PDCD1: variants seen among roughly 807,000 people sequenced by gnomAD.
PDCD1 encodes programmed cell death protein 1.
Under a neutral mutation model 23.6 loss-of-function variants are expected in PDCD1, and 10 were observed. The ratio of observed to expected loss-of-function variants is 0.42; its 90% CI spans 0.26 to 0.72. The LOEUF is 0.72. PDCD1 is among the 30% of genes least tolerant of loss of function. PDCD1 has a pLI of 0.24. For missense variants in PDCD1, 313 were observed against 397.8 expected (o/e 0.79, Z 1.81); for synonymous variants, 168 against 169.3 (o/e 0.99, Z 0.06).
intron 1 of PDCD1, among the ~76,000 whole-genome samples, chr2:241,857,076 C>T (rs963013263): frequency 6.6e-6 from 1 of 152,134 alleles, no homozygotes; most frequent in Admixed American, 6.5e-5. Flanking sequence ...CAATAAGCAG[C>T]CGGGTTGGGG....
intron 4 of PDCD1, among the ~76,000 whole-genome samples, chr2:241,851,573 G>T (rs189124214): frequency 3.1e-4 from 47 of 152,348 alleles, no homozygotes; most frequent in Non-Finnish European, 6.5e-4. Flanking sequence ...TGTAAGATAA[G>T]AAATGACCAA....
rs1350210358 is a variant in PDCD1 at position 241,851,063 on chromosome 2, G to A, written c.862C>T (p.Leu288Phe). The stretch of plus-strand genomic sequence containing the variant: ...CTGGTGGCCAAGGAAGCCGGTCAGA[G>A]GGGCCAAGAGCAGTGTCCATCCTCA... Reference protein sequence around the residue: ...RPEDGHCSWPL With the variant: ...RPEDGHCSWPF Residue 288 changes from leucine (L) to phenylalanine (F), a missense_variant, in exon 5 of 5, where the codon CTC (leucine) becomes TTC (phenylalanine). By Grantham distance (22) the Leu-to-Phe change is conservative (BLOSUM62 0). Around this residue, in one of 3 missense-constraint regions of PDCD1, gnomAD observed 158 missense variants for 177.5 expected, o/e 0.89. Transcript: ENST00000334409. 1 of 1,609,644 alleles carries A rather than the reference G, an allele frequency of 6.2e-7. No individual in the cohort carries two copies. The highest frequency in any genetic ancestry group is 8.5e-7 in the Non-Finnish European group (1 of 1,177,736).
At chr2:241,854,212 G>C (rs936785646) in intron 1 of PDCD1, among the ~76,000 whole-genome samples, 2 of 152,224 alleles carry the variant, frequency 1.3e-5, no homozygotes, top group African/African-American at 4.8e-5. Flanking sequence ...GCCACCCAGG[G>C]TGTCCCTGTT....
intron 1 of PDCD1, among the ~76,000 whole-genome samples, chr2:241,855,620 G>A (rs1341530600): frequency 6.6e-6 from 1 of 152,194 alleles, no homozygotes; most frequent in Admixed American, 6.5e-5. Context: ...GGCGGTGGGG[G>A]TGCTCCCGCA....
intron 1 of PDCD1, among the ~76,000 whole-genome samples, chr2:241,853,292 G>A (rs1008785759): frequency 1.3e-5 from 2 of 152,252 alleles, no homozygotes; most frequent in Non-Finnish European, 2.9e-5. Context: ...CTGTTTGGGG[G>A]CTACCCATCC....
chr2:241,853,097 C>A, intron 1 of PDCD1, 117 bp from the exon 2 acceptor site: 1 of 1,257,816 alleles, frequency 8.0e-7, no homozygotes, highest in Non-Finnish European at 1.1e-6. Flanking sequence ...GCTGGAATGT[C>A]ATTGAGAAGT....
intron 1 of PDCD1, among the ~76,000 whole-genome samples, chr2:241,857,145 T>A (rs780013723): frequency 6.6e-6 from 1 of 152,112 alleles, no homozygotes; most frequent in Non-Finnish European, 1.5e-5. Flanking sequence ...GCCCCGGGAA[T>A]GACCGAATGG....
At chr2:241,855,972 C>T (rs1051868089) in intron 1 of PDCD1, among the ~76,000 whole-genome samples, 3 of 152,196 alleles carry the variant, frequency 2.0e-5, no homozygotes, top group African/African-American at 7.2e-5. Context: ...AGGGTGACGG[C>T]AGCTGGGACT....
intron 1 of PDCD1, among the ~76,000 whole-genome samples, chr2:241,855,296 A>G (rs1700998560): frequency 6.6e-6 from 1 of 151,810 alleles, no homozygotes; most frequent in African/African-American, 2.4e-5. Context: ...GCTCCCACCC[A>G]GTGTGGGGGT....
Position 241,851,828 on chromosome 2 carries a change from G to A in PDCD1, c.627+121C>T. ...GTTGCTGCCTGGGGGCTGGGGAGGT[G>A]GGGTCCTGGCTATAATAGAATGTGA... On this transcript the variant is annotated intron_variant, in intron 4 of 4. Coordinates refer to ENST00000334409, the MANE Select transcript of PDCD1 (RefSeq NM_005018.3). The A allele has an allele frequency of 9.8e-6, 10 of 1,017,014 alleles. 1 individual carries two copies. The South Asian group carries it at 1.3e-4, about 13-fold the overall frequency. 63.0% of individuals were successfully genotyped at this position (1,017,014 alleles called of 1,614,324 possible). A position where few individuals can be genotyped will look rare whatever the true frequency, so the allele number is the denominator to read the frequency against.
In PDCD1 at chr2:241,851,339, C is replaced by A. The variant is rs199773825; in HGVS notation, c.628-42G>T. 175 of 1,558,804 alleles carry A rather than the reference C, an allele frequency of 1.1e-4. No individual in the cohort carries two copies. In the East Asian group the frequency reaches 2.7e-3, roughly 24 times the overall value. On this transcript the variant is annotated intron_variant, in intron 4 of 4. Transcript: ENST00000334409. ...AGAGGGAGTCAGCCCCACGGCCCAC[C>A]GCAGGAAGGAGGCCCGCGGCTCCAC... is the stretch of plus-strand genomic sequence containing the variant.
chr2:241,850,832 G>C lies in PDCD1; in HGVS notation c.*226C>G, dbSNP rs1034598480. 2.6e-5 allele frequency: 16 copies of C among 625,478 alleles called. No homozygotes were observed. The African/African-American group carries it at 2.9e-4, about 11-fold the overall frequency. 38.7% of individuals were successfully genotyped at this position (625,478 alleles called of 1,614,324 possible). A position where few individuals can be genotyped will look rare whatever the true frequency, so the allele number is the denominator to read the frequency against. On this transcript the variant is annotated 3_prime_UTR_variant, in exon 5 of 5. Coordinates refer to ENST00000334409, the MANE Select transcript of PDCD1 (RefSeq NM_005018.3). ...TGACTGCATCTGGCCCTCCCTGTAGGGGACGGTGACACCTGCTGCCTGGGC... is the reference window on the plus strand; with the variant it reads ...TGACTGCATCTGGCCCTCCCTGTAGCGGACGGTGACACCTGCTGCCTGGGC...
chr2:241,858,811 C>T lies in PDCD1; in HGVS notation c.28G>A (p.Val10Ile). The T allele has an allele frequency of 1.3e-6, 2 of 1,588,238 alleles. No individual in the cohort carries two copies. Among genetic ancestry groups the T allele is most frequent in the Non-Finnish European group, 1.7e-6 (2 of 1,167,796 alleles). Residue 10 changes from valine to isoleucine, a missense_variant, in exon 1 of 5, where the codon GTC becomes ATC. Physicochemically the swap from Val to Ile is conservative, Grantham distance 29. This residue lies in a region of PDCD1 where 135 missense variants were observed against 166.9 expected (regional missense o/e 0.81). Transcript: ENST00000334409. MQIPQAPWP[V>I]VWAVLQLGWR... is the part of the protein sequence containing the mutation. ...CCCAGTTGTAGCACCGCCCAGACGA[C>T]TGGCCAGGGCGCCTGTGGGATCTGC...
At chr2:241,852,026 C>T (rs764033397) in intron 3 of PDCD1, 43 bp from the exon 4 acceptor site, 27 of 1,532,654 alleles carry the variant, frequency 1.8e-5, no homozygotes, top group South Asian at 3.4e-5. Flanking sequence ...GACCCTGAGC[C>T]GTGCTCCTAG....
chr2:241,852,278 A>T lies in PDCD1; in HGVS notation c.512T>A (p.Val171Asp). 6.2e-7 allele frequency: 1 copy of T among 1,611,892 alleles called. No individual in the cohort carries two copies. The highest frequency in any genetic ancestry group is 8.5e-7 in the Non-Finnish European group (1 of 1,179,628). ...RPAGQFQTLV[V>D]GVVGGLLGSL... Reference sequence around the variant, plus strand: ...GCCCAGCAGGCCGCCCACGACACCAACCACCAGGGTTTGGAACTGGCCGGC... The same window carrying T: ...GCCCAGCAGGCCGCCCACGACACCATCCACCAGGGTTTGGAACTGGCCGGC... Residue 171 changes from valine to aspartate, a missense_variant, in exon 3 of 5, where the codon GTT becomes GAT. Transcript: ENST00000334409.
Position 241,852,807 on chromosome 2 carries a change from C to T in PDCD1, c.250G>A (p.Glu84Lys), listed in dbSNP as rs761327733. ...NQTDKLAAFPEDRSQPGQDCR... is the reference protein window; with the variant it reads ...NQTDKLAAFPKDRSQPGQDCR... ...TCCTGGCCGGGCTGGCTGCGGTCCT[C>T]GGGGAAGGCGGCCAGCTTGTCCGTC... The change falls in exon 2 of 5, where the codon GAG becomes AAG. Residue 84 changes from glutamate to lysine, a missense_variant. Physicochemically the swap from Glu to Lys is moderately conservative, Grantham distance 56. This residue lies in a region of PDCD1 where 135 missense variants were observed against 166.9 expected (regional missense o/e 0.81). Transcript: ENST00000334409. 1.1e-5 allele frequency: 17 copies of T among 1,613,164 alleles called. No homozygotes were observed. Among genetic ancestry groups the T allele is most frequent in the Admixed American group, 5.0e-5 (3 of 59,994 alleles).
chr2:241,851,364 C>T, intron 4 of PDCD1, 67 bp from the exon 5 acceptor site: 1 of 1,527,418 alleles, frequency 6.5e-7, no homozygotes. Context: ...CGCGGCTCCA[C>T]AGCCTGGCTG....
chr2:241,855,125 C>CA (rs1354896037), intron 1 of PDCD1, among the ~76,000 whole-genome samples: 1 of 152,110 alleles, frequency 6.6e-6, no homozygotes, highest in African/African-American at 2.4e-5. Context: ...CCGCCCCCCC[C>CA]AACCCCCCTA....
At chr2:241,851,428 T>C in intron 4 of PDCD1, 131 bp from the exon 5 acceptor site, 1 of 821,698 alleles carries the variant, frequency 1.2e-6, no homozygotes. Context: ...CCCTGAGCTG[T>C]CCCACCACTG....
Sources: allele counts gnomAD v4.1 joint callset (sites outside exome capture counted in the v4.1 genomes callset), GRCh38; gene constraint gnomAD v4.1.1; regional missense constraint gnomAD v4.1.1; transcripts MANE v1.5; gene names NCBI Gene and HGNC (gene_info 2026-07-23, HGNC 2026-07-21).